RAB28: variants seen among roughly 807,000 people sequenced by gnomAD.
RAB28 encodes the protein RAB28, member RAS oncogene family.
In RAB28, 24 loss-of-function variants were observed where a neutral mutation model predicts 31.7. That is an observed-to-expected ratio of 0.76 (90% CI 0.55 to 1.06). RAB28 has a LOEUF of 1.06. Among genes scored for constraint, RAB28 ranks in the 50% least tolerant of loss-of-function variants. RAB28 has a pLI of 0.00. For synonymous variants in RAB28, 100 were observed against 90.4 expected (o/e 1.11, Z -0.60); for missense variants, 254 against 258.5 (o/e 0.98, Z 0.12).
intron 4 of RAB28, among the ~76,000 whole-genome samples, chr4:13,406,699 T>C (rs2108905221): frequency 6.6e-6 from 1 of 152,372 alleles, no homozygotes; most frequent in Non-Finnish European, 1.5e-5. Context: ...CCATTCTAAC[T>C]GGCATGAGAT....
intron 4 of RAB28, among the ~76,000 whole-genome samples, chr4:13,440,542 C>G (rs1714361411): frequency 6.6e-6 from 1 of 151,994 alleles, no homozygotes; most frequent in South Asian, 2.1e-4. Context: ...TACCAAAGGG[C>G]TCTATTTTTG....
At chr4:13,475,591 T>G (rs1187366012) in intron 2 of RAB28, among the ~76,000 whole-genome samples, 8 of 151,568 alleles carry the variant, frequency 5.3e-5, no homozygotes, top group Non-Finnish European at 4.4e-5. Flanking sequence ...TTACAATCTT[T>G]CCATTATTTA....
intron 4 of RAB28, among the ~76,000 whole-genome samples, chr4:13,417,164 G>A (rs1712832608): frequency 6.6e-6 from 1 of 152,250 alleles, no homozygotes; most frequent in South Asian, 2.1e-4. Flanking sequence ...CGACCTGTGA[G>A]GCAGCCGCCT....
rs112199233 is a variant in RAB28, at chr4:13,381,805, T to C, written c.392-211A>G. On this transcript the variant is annotated intron_variant, in intron 4 of 6. Coordinates refer to ENST00000330852, the MANE Select transcript of RAB28 (RefSeq NM_001017979.3). ...TATACCTATTTTGTAGAGAGTTATTTGATAATTAATCTATGTATAATGCAC... is the reference window on the plus strand; with the variant it reads ...TATACCTATTTTGTAGAGAGTTATTCGATAATTAATCTATGTATAATGCAC... Among the ~76,000 whole-genome samples, 1,120 of 152,282 alleles carry C rather than the reference T, an allele frequency of 7.4e-3. 19 individuals are homozygous for C. Among genetic ancestry groups the C allele is most frequent in the African/African-American group, 0.025 (1,035 of 41,548 alleles).
At chr4:13,461,620 G>C (rs1223553455) in intron 3 of RAB28, among the ~76,000 whole-genome samples, 1 of 152,164 alleles carries the variant, frequency 6.6e-6, no homozygotes, top group Non-Finnish European at 1.5e-5. Flanking sequence ...AAATACAACA[G>C]AAGGATTGCT....
At chr4:13,478,337 T>G (rs141840834) in intron 2 of RAB28, among the ~76,000 whole-genome samples, 285 of 151,740 alleles carry the variant, frequency 1.9e-3, no homozygotes, top group African/African-American at 6.7e-3. Flanking sequence ...GGAATTCTTT[T>G]TTTTCTCATG....
chr4:13,467,489 G>C (rs1375590962), intron 3 of RAB28, among the ~76,000 whole-genome samples: 1 of 151,858 alleles, frequency 6.6e-6, no homozygotes, highest in African/African-American at 2.4e-5. Context: ...ATATAGATAA[G>C]TGAGATGAAT....
At chr4:13,416,007 ACT>A (rs1560283844) in intron 4 of RAB28, among the ~76,000 whole-genome samples, 1 of 151,916 alleles carries the variant, frequency 6.6e-6, no homozygotes, top group African/African-American at 2.4e-5. Context: ...GTATCTAGCT[ACT>A]CTGTTAGGGA....
intron 4 of RAB28, among the ~76,000 whole-genome samples, chr4:13,412,850 G>C (rs1712522775): frequency 6.6e-6 from 1 of 152,016 alleles, no homozygotes; most frequent in Non-Finnish European, 1.5e-5. Context: ...AGAAGTTATG[G>C]TAAGATAATA....
At chr4:13,453,195 C>A (rs1400876686) in intron 4 of RAB28, among the ~76,000 whole-genome samples, 1 of 151,836 alleles carries the variant, frequency 6.6e-6, no homozygotes, top group Non-Finnish European at 1.5e-5. Flanking sequence ...ATGGTTGGGT[C>A]TTGTTTTGTT....
intron 2 of RAB28, among the ~76,000 whole-genome samples, chr4:13,477,796 G>A (rs939741549): frequency 4.0e-5 from 6 of 151,128 alleles, no homozygotes; most frequent in South Asian, 2.1e-4. Context: ...TATAAATCTC[G>A]ATTTCAAGAA....
At chr4:13,413,486 AAAG>A (rs1712563918) in intron 4 of RAB28, among the ~76,000 whole-genome samples, 1 of 152,228 alleles carries the variant, frequency 6.6e-6, no homozygotes, top group Non-Finnish European at 1.5e-5. Flanking sequence ...TTCTTTGTAA[AAAG>A]AAGACTACTC....
chr4:13,370,540 T>C (rs1360158828), intron 6 of RAB28: 2 of 902,156 alleles, frequency 2.2e-6, no homozygotes. Context: ...AGTGGACTTA[T>C]AATATGCTGT....
chr4:13,459,964 T>C, intron 4 of RAB28: 2 of 1,218,782 alleles, frequency 1.6e-6, no homozygotes, highest in Non-Finnish European at 2.2e-6. Flanking sequence ...GAACTAAACT[T>C]ACCTTCACAG....
chr4:13,433,411 G>C (rs370908703), intron 4 of RAB28, among the ~76,000 whole-genome samples: 17 of 152,150 alleles, frequency 1.1e-4, no homozygotes, highest in African/African-American at 3.6e-4. Flanking sequence ...TATGTATCCA[G>C]GTCAAATACC....
intron 4 of RAB28, among the ~76,000 whole-genome samples, chr4:13,455,342 G>T (rs923790823): frequency 6.6e-6 from 1 of 152,230 alleles, no homozygotes; most frequent in African/African-American, 2.4e-5. Flanking sequence ...GGGCAGGTTT[G>T]CCCTGGGGAG....
chr4:13,393,915 A>C (rs1729760098), intron 4 of RAB28, among the ~76,000 whole-genome samples: 1 of 151,936 alleles, frequency 6.6e-6, no homozygotes, highest in African/African-American at 2.4e-5. Flanking sequence ...ACAATACTTC[A>C]AATGTATTAA....
At chr4:13,371,481 CA>C (rs1208914589) in intron 6 of RAB28, 1 of 985,154 alleles carries the variant, frequency 1.0e-6, no homozygotes, top group Non-Finnish European at 1.2e-6. Flanking sequence ...GTCCTGTGCT[CA>C]AAACATTTTG....
In RAB28 at chr4:13,368,326, C is replaced by A; in HGVS notation, c.*232G>T. 1 of 1,170,600 alleles carries A rather than the reference C, an allele frequency of 8.5e-7. No homozygotes were observed. Among genetic ancestry groups the A allele is most frequent in the Non-Finnish European group, 1.1e-6 (1 of 949,126 alleles). The allele number at this position is 1,170,600 out of a possible 1,614,324, so 72.5% of individuals were successfully genotyped here. A position where few individuals can be genotyped will look rare whatever the true frequency, so the allele number is the denominator to read the frequency against. On this transcript the variant is annotated 3_prime_UTR_variant, in exon 7 of 7. Coordinates refer to ENST00000330852, the MANE Select transcript of RAB28 (RefSeq NM_001017979.3). The stretch of plus-strand genomic sequence containing the variant: ...CTTTTGCAATGAAGCAGTCTAATTC[C>A]AGGGAATGGGTTTTCCATTTTGAAT...
Sources: gnomAD v4.1 joint callset for allele counts (sites outside exome capture counted in the v4.1 genomes callset) on GRCh38, gnomAD v4.1.1 for gene constraint, MANE v1.5 for transcripts, NCBI Gene and HGNC (gene_info 2026-07-23, HGNC 2026-07-21) for gene names.